The following DAPL1 variants were observed in gnomAD, a reference collection of about 807,000 sequenced individuals.
DAPL1 encodes death-associated protein-like 1.
DAPL1 carries 17 observed loss-of-function variants against 12.9 expected under a neutral mutation model. That is an observed-to-expected ratio of 1.32 (90% CI 0.90 to 1.98). The LOEUF is 1.98. Among genes scored for constraint, DAPL1 ranks in the 30% most tolerant of loss-of-function variants. The probability of loss-of-function intolerance (pLI) is 0.00; values close to 1 mark genes in which losing one functional copy is unlikely to be tolerated. For missense variants in DAPL1, 157 were observed against 125.7 expected, an observed-to-expected ratio of 1.25 and a Z score of -1.19; for synonymous variants, 51 against 42.0, an observed-to-expected ratio of 1.21 and a Z score of -0.82.
rs11355982 is a variant in DAPL1, at chr2:158,813,557, C to CTT, written c.208-2133_208-2132dup. ...CTAACACTACTCTCCTTTCCTTTTT[C>CTT]TTTTTTTTTTTTTTTTGAGATGGAG... On this transcript the variant is annotated intron_variant, in intron 3 of 3. Coordinates refer to ENST00000309950, the MANE Select transcript of DAPL1 (RefSeq NM_001017920.3). Among the ~76,000 whole-genome samples, 59 of 132,874 alleles carry CTT rather than the reference C, an allele frequency of 4.4e-4. 1 individual carries two copies. The highest frequency in any genetic ancestry group is 1.5e-3 in the South Asian group (6 of 4,132). 87.2% of individuals were successfully genotyped at this position (132,874 alleles called of 152,430 possible).
At position 158,815,842 on chromosome 2, in the gene DAPL1, C is replaced by T. The variant is rs775283767; in HGVS notation, c.*21C>T. ...GTTAAGCCTGGATTTAAAACACAGCCGTCTGGCCAGCTGCCTCGAATATCT... is the reference window on the plus strand; with the variant it reads ...GTTAAGCCTGGATTTAAAACACAGCTGTCTGGCCAGCTGCCTCGAATATCT... On this transcript the variant is annotated 3_prime_UTR_variant, in exon 4 of 4. Coordinates refer to ENST00000309950, the MANE Select transcript of DAPL1 (RefSeq NM_001017920.3). The T allele has an allele frequency of 3.8e-5, 59 of 1,548,806 alleles. No homozygotes were observed. The highest frequency in any genetic ancestry group is 2.0e-4 in the Admixed American group (12 of 59,890).
intron 3 of DAPL1, among the ~76,000 whole-genome samples, chr2:158,813,714 C>T (rs1219380948): frequency 6.6e-6 from 1 of 152,094 alleles, no homozygotes; most frequent in Non-Finnish European, 1.5e-5. Flanking sequence ...CGCCACCATG[C>T]CCGGCTAATT....
chr2:158,809,207 A>C (rs1285592376), intron 3 of DAPL1, among the ~76,000 whole-genome samples: 1 of 151,788 alleles, frequency 6.6e-6, no homozygotes, highest in Non-Finnish European at 1.5e-5. Context: ...AAAATACAAA[A>C]ATTAGCCTGG....
At chr2:158,808,260 C>T (rs2059212676) in intron 3 of DAPL1, among the ~76,000 whole-genome samples, 1 of 152,202 alleles carries the variant, frequency 6.6e-6, no homozygotes, top group African/African-American at 2.4e-5. Flanking sequence ...TGCAGCTGGC[C>T]TCCTGGAACC....
At chr2:158,799,605 C>T (rs761661446) in intron 1 of DAPL1, among the ~76,000 whole-genome samples, 3 of 152,040 alleles carry the variant, frequency 2.0e-5, no homozygotes, top group Non-Finnish European at 2.9e-5. Context: ...GTAGTGACAG[C>T]CCAAATCTAT....
At chr2:158,804,017 C>T (rs1308353122) in intron 1 of DAPL1, among the ~76,000 whole-genome samples, 1 of 152,164 alleles carries the variant, frequency 6.6e-6, no homozygotes, top group South Asian at 2.1e-4. Flanking sequence ...TTATTCTCCT[C>T]CCCAAATCTA....
intron 1 of DAPL1, 132 bp from the exon 2 acceptor site, chr2:158,804,150 T>C (rs1239504421): frequency 1.6e-6 from 1 of 626,266 alleles, no homozygotes; most frequent in Non-Finnish European, 2.7e-6. Context: ...TATTGTGTTG[T>C]TTTATACAAA....
intron 3 of DAPL1, among the ~76,000 whole-genome samples, chr2:158,813,777 G>C (rs1034758881): frequency 6.6e-6 from 1 of 151,960 alleles, no homozygotes; most frequent in Non-Finnish European, 1.5e-5. Context: ...GGATGGTCTC[G>C]ATCGCCTGAC....
In DAPL1 at chr2:158,813,729, A is replaced by G. The variant is rs559988834; in HGVS notation, c.208-1976A>G. ...CGCCACCATGCCCGGCTAATTTTTC[A>G]TATTTTTAGTAGAGATGGGGTTTCA... On this transcript the variant is annotated intron_variant, in intron 3 of 3. Coordinates refer to ENST00000309950, the MANE Select transcript of DAPL1 (RefSeq NM_001017920.3). 4.6e-5 allele frequency among the ~76,000 whole-genome samples: 7 copies of G among 151,748 alleles called. No homozygotes were observed. The East Asian group carries it at 7.8e-4, about 17-fold the overall frequency.
At chr2:158,806,084 T>C (rs1038409162) in intron 2 of DAPL1, among the ~76,000 whole-genome samples, 1 of 148,450 alleles carries the variant, frequency 6.7e-6, no homozygotes, top group Admixed American at 6.8e-5. Flanking sequence ...GTGCACAGGA[T>C]AGGAAAGCCT....
At chr2:158,803,982 G>A (rs75277023) in intron 1 of DAPL1, among the ~76,000 whole-genome samples, 14,820 of 152,186 alleles carry the variant, frequency 0.097, 949 homozygotes, top group Non-Finnish European at 0.13. Flanking sequence ...ATGTTTTTCA[G>A]TGAAATGCCT....
At chr2:158,806,158 C>A (rs1042514308) in intron 2 of DAPL1, among the ~76,000 whole-genome samples, 1 of 148,046 alleles carries the variant, frequency 6.8e-6, no homozygotes, top group Non-Finnish European at 1.5e-5. Flanking sequence ...AAAATATGCT[C>A]TAGACCAGAA....
rs748758759 is a variant in DAPL1, at chr2:158,804,375, G to T, written c.146+6G>T. On this transcript the variant is annotated splice_donor_region_variant and intron_variant, in intron 2 of 3. Coordinates refer to ENST00000309950, the MANE Select transcript of DAPL1 (RefSeq NM_001017920.3). ...ACAGGATTCGAGAAAACAAGGTAGG[G>T]ACTCTTAATTTTTCTCCATCACCTT... is the stretch of plus-strand genomic sequence containing the variant. 6.3e-7 allele frequency: 1 copy of T among 1,597,822 alleles called. No individual in the cohort carries two copies. The highest frequency in any genetic ancestry group is 1.7e-5 in the Admixed American group (1 of 58,568).
chr2:158,796,347 T>C (rs1344995965), intron 1 of DAPL1, among the ~76,000 whole-genome samples: 2 of 152,188 alleles, frequency 1.3e-5, no homozygotes, highest in Non-Finnish European at 2.9e-5. Context: ...TGGCGGGTAT[T>C]GTCTTCACAG....
chr2:158,801,369 T>C (rs1385785277), intron 1 of DAPL1, among the ~76,000 whole-genome samples: 5 of 152,202 alleles, frequency 3.3e-5, no homozygotes, highest in Non-Finnish European at 7.3e-5. Flanking sequence ...CTGATTCTTC[T>C]TAGCATTAAG....
intron 3 of DAPL1, among the ~76,000 whole-genome samples, chr2:158,810,913 G>A (rs942072490): frequency 3.3e-5 from 5 of 152,280 alleles, no homozygotes; most frequent in East Asian, 1.9e-4. Flanking sequence ...TAGATGTCAC[G>A]TAACTCCTCT....
chr2:158,796,340 C>T (rs12463934), intron 1 of DAPL1, among the ~76,000 whole-genome samples: 49,822 of 151,952 alleles, frequency 0.33, 9,171 homozygotes, highest in East Asian at 0.79. Flanking sequence ...AGGGTGATGG[C>T]GGGTATTGTC....
chr2:158,799,755 G>A (rs2059155838), intron 1 of DAPL1, among the ~76,000 whole-genome samples: 1 of 152,162 alleles, frequency 6.6e-6, no homozygotes, highest in Non-Finnish European at 1.5e-5. Flanking sequence ...TTTCCCTTAT[G>A]CTTCCGAAAT....
intron 2 of DAPL1, 147 bp downstream of exon 2, chr2:158,804,516 A>C (rs1029456351): frequency 1.7e-6 from 1 of 572,882 alleles, no homozygotes; most frequent in Non-Finnish European, 3.1e-6. Flanking sequence ...ATCCGTGGTG[A>C]CTTAGGGTGA....
Sources: allele counts gnomAD v4.1 joint callset (sites outside exome capture counted in the v4.1 genomes callset), GRCh38; gene constraint gnomAD v4.1.1; transcripts MANE v1.5; gene names NCBI Gene and HGNC (gene_info 2026-07-23, HGNC 2026-07-21).